LYPD5: variants seen among roughly 807,000 people sequenced by gnomAD.
LYPD5 encodes ly6/PLAUR domain-containing protein 5.
A neutral mutation model predicts 19.1 loss-of-function variants in LYPD5; 21 were observed. The ratio of observed to expected loss-of-function variants is 1.10; its 90% confidence interval spans 0.78 to 1.58. The LOEUF (loss-of-function observed/expected upper bound fraction) is 1.58. Among genes scored for constraint, LYPD5 ranks in the 40% most tolerant of loss-of-function variants. The probability of loss-of-function intolerance (pLI) is 0.00; values close to 1 mark genes in which losing one functional copy is unlikely to be tolerated. For synonymous variants in LYPD5, 128 were observed against 142.7 expected, an observed-to-expected ratio of 0.90 and a Z score of 0.74; for missense variants, 287 against 329.8, an observed-to-expected ratio of 0.87 and a Z score of 1.00.
At chr19:43,799,870 G>A (rs1568403605) in intron 1 of LYPD5, 36 bp from the exon 2 acceptor site, 1 of 1,575,602 alleles carries the variant, frequency 6.3e-7, no homozygotes, top group African/African-American at 1.3e-5. Context: ...AGCAGGGCCA[G>A]TGTGAGCCTG....
At chr19:43,798,672 C>A in intron 3 of LYPD5, 71 bp from the exon 4 acceptor site, 1 of 1,597,712 alleles carries the variant, frequency 6.3e-7, no homozygotes, top group Non-Finnish European at 8.5e-7. Flanking sequence ...GCGCACTGCG[C>A]CAGAGCCCGC....
chr19:43,798,993 G>T lies in LYPD5; in HGVS notation c.194-5C>A. 6.4e-7 allele frequency: 1 copy of T among 1,559,062 alleles called. No individual in the cohort carries two copies. Among genetic ancestry groups the T allele is most frequent in the Non-Finnish European group, 8.7e-7 (1 of 1,151,644 alleles). ...GGGTCACCGGCGCGCGATACCCTGG[G>T]GGCGGGATCGGGGCTCGTGCTCTGC... On this transcript the variant is annotated splice_polypyrimidine_tract_variant and splice_region_variant and intron_variant, in intron 2 of 4. Coordinates refer to ENST00000377950, the MANE Select transcript of LYPD5 (RefSeq NM_001031749.3).
At chr19:43,798,104 A>T (rs425578) in intron 4 of LYPD5, among the ~76,000 whole-genome samples, 41,238 of 98,344 alleles carry the variant, frequency 0.42, 10,804 homozygotes, top group South Asian at 0.62. Flanking sequence ...CCCTCAGACC[A>T]GGGCATGGCC....
Position 43,798,736 on chromosome 19 carries a change from C to T in LYPD5, c.370+76G>A, listed in dbSNP as rs1056653024. 3.2e-6 allele frequency: 5 copies of T among 1,565,954 alleles called. No homozygotes were observed. In the African/African-American group the frequency reaches 6.8e-5, roughly 21 times the overall value. On this transcript the variant is annotated intron_variant, in intron 3 of 4. Coordinates refer to ENST00000377950, the MANE Select transcript of LYPD5 (RefSeq NM_001031749.3). ...TAGCGCGCCAAGAGCAGGCGCCCAG[C>T]GGAGGCCACGCCTTCCCCGAGGCTG...
At chr19:43,818,161 G>C (rs920780132) in intron 1 of LYPD5, among the ~76,000 whole-genome samples, 1 of 152,204 alleles carries the variant, frequency 6.6e-6, no homozygotes, top group African/African-American at 2.4e-5. Context: ...TGTGAGATCA[G>C]ACTTGGGCCA....
At chr19:43,805,937 C>T (rs992343593), upstream of LYPD5, among the ~76,000 whole-genome samples, 1 of 152,132 alleles carries the variant, frequency 6.6e-6, no homozygotes, top group African/African-American at 2.4e-5. Flanking sequence ...ATATCCAGAA[C>T]TTTTCATCTT....
rs1970170265 is a variant in LYPD5 at position 43,798,570 on chromosome 19, C to G, written c.402G>C (p.Glu134Asp). The change falls in exon 4 of 5, where the codon GAG (glutamate) becomes GAC (aspartate). Residue 134 changes from glutamate to aspartate, a missense_variant. Glu to Asp is a conservative substitution (Grantham distance 45, BLOSUM62 2). Transcript: ENST00000377950. Reference protein sequence around the residue: ...APDPPTLSGAECYACIGVHQD... With the variant: ...APDPPTLSGADCYACIGVHQD... ...GGTGGACCCCGATACAGGCGTAGCA[C>G]TCGGCGCCGCTGAGCGTCGGCGGGT... 1.9e-6 allele frequency: 3 copies of G among 1,611,220 alleles called. No individual in the cohort carries two copies. The highest frequency in any genetic ancestry group is 2.5e-6 in the Non-Finnish European group (3 of 1,180,048).
At chr19:43,810,343 G>A (rs184328758) in intron 1 of LYPD5, among the ~76,000 whole-genome samples, 35 of 151,932 alleles carry the variant, frequency 2.3e-4, no homozygotes, top group African/African-American at 6.5e-4. Flanking sequence ...TTATATAGTC[G>A]TGTGTTTTTT....
chr19:43,808,099 T>G (rs1323671427), intron 1 of LYPD5, among the ~76,000 whole-genome samples: 1 of 152,216 alleles, frequency 6.6e-6, no homozygotes, highest in African/African-American at 2.4e-5. Flanking sequence ...CTACCGTTAC[T>G]GTCTTTTGGA....
At chr19:43,805,617 C>T (rs899284071), upstream of LYPD5, among the ~76,000 whole-genome samples, 2 of 152,224 alleles carry the variant, frequency 1.3e-5, no homozygotes, top group African/African-American at 4.8e-5. Context: ...AAGTGATTCT[C>T]CTGCCTCAGC....
intron 1 of LYPD5, among the ~76,000 whole-genome samples, chr19:43,812,260 G>T (rs1283069156): frequency 1.3e-5 from 2 of 152,114 alleles, no homozygotes; most frequent in African/African-American, 2.4e-5. Context: ...AGTCACCAGG[G>T]TATCCCAGAG....
rs1286855977 is a variant in LYPD5 at position 43,797,105 on chromosome 19, C to T, written c.*486G>A. Reference sequence around the variant, plus strand: ...CAGAGCCTGGCTTAAGTAACTCGCTCATGGTCTCTGCAGGCTGAATGGTGG... The same window carrying T: ...CAGAGCCTGGCTTAAGTAACTCGCTTATGGTCTCTGCAGGCTGAATGGTGG... On this transcript the variant is annotated 3_prime_UTR_variant, in exon 5 of 5. Coordinates refer to ENST00000377950, the MANE Select transcript of LYPD5 (RefSeq NM_001031749.3). The T allele has an allele frequency of 6.5e-6, 1 of 153,304 alleles. No homozygotes were observed. Among genetic ancestry groups the T allele is most frequent in the Non-Finnish European group, 1.5e-5 (1 of 68,952 alleles). 9.5% of individuals were successfully genotyped at this position (153,304 alleles called of 1,614,324 possible). A position where few individuals can be genotyped will look rare whatever the true frequency, so the allele number is the denominator to read the frequency against.
intron 1 of LYPD5, among the ~76,000 whole-genome samples, chr19:43,812,821 T>A (rs1970338062): frequency 6.6e-6 from 1 of 152,228 alleles, no homozygotes; most frequent in South Asian, 2.1e-4. Context: ...AAGGGACAGA[T>A]GATGCAGACA....
rs777114702 is a variant in LYPD5 at position 43,798,638 on chromosome 19, T to C, written c.371-37A>G. The C allele has an allele frequency of 4.3e-6, 7 of 1,609,490 alleles. No homozygotes were observed. The South Asian group carries it at 4.4e-5, about 10-fold the overall frequency. ...GCGTAGATGCACACTCAGGCAGTGG[T>C]ACCCTGGCACAGTCGTGCGGGCTGC... On this transcript the variant is annotated intron_variant, in intron 3 of 4. Coordinates refer to ENST00000377950, the MANE Select transcript of LYPD5 (RefSeq NM_001031749.3).
intron 3 of LYPD5, 24 bp from the exon 4 acceptor site, chr19:43,798,625 A>G (rs1221708834): frequency 3.1e-6 from 5 of 1,609,032 alleles, no homozygotes; most frequent in Non-Finnish European, 4.2e-6. Flanking sequence ...GTAGATGCAC[A>G]CTCAGGCAGT....
Position 43,797,847 on chromosome 19 carries a change from A to T in LYPD5, c.518-18T>A. On this transcript the variant is annotated intron_variant, in intron 4 of 4. Transcript: ENST00000377950. Reference sequence around the variant, plus strand: ...GAAATTGCCTGGAGGTGGGCAAAGCAGTGAGGAACGGTCAGAACTGAGGGA... The same window carrying T: ...GAAATTGCCTGGAGGTGGGCAAAGCTGTGAGGAACGGTCAGAACTGAGGGA... 2.5e-6 allele frequency: 4 copies of T among 1,586,016 alleles called. No individual in the cohort carries two copies. The highest frequency in any genetic ancestry group is 3.5e-6 in the Non-Finnish European group (4 of 1,155,648).
At chr19:43,802,825 C>T (rs1353525503), upstream of LYPD5, among the ~76,000 whole-genome samples, 1 of 152,124 alleles carries the variant, frequency 6.6e-6, no homozygotes, top group East Asian at 1.9e-4. Flanking sequence ...CTCTGAACCC[C>T]ATCTCCCCAC....
chr19:43,818,780 A>C (rs1970394350), intron 1 of LYPD5, among the ~76,000 whole-genome samples: 1 of 152,190 alleles, frequency 6.6e-6, no homozygotes, highest in Non-Finnish European at 1.5e-5. Flanking sequence ...GACACATAAG[A>C]TGTGTCTGAA....
chr19:43,810,533 TCCCTCCCCTC>T (rs147038876), intron 1 of LYPD5, among the ~76,000 whole-genome samples: 1 of 86,318 alleles, frequency 1.2e-5, no homozygotes, highest in African/African-American at 4.5e-5. Flanking sequence ...TCCCTTCCGT[TCCCTCCCCTC>T]CCCTCCCCTC....
Sources: allele counts gnomAD v4.1 joint callset (sites outside exome capture counted in the v4.1 genomes callset), GRCh38; gene constraint gnomAD v4.1.1; transcripts MANE v1.5; gene names NCBI Gene and HGNC (gene_info 2026-07-23, HGNC 2026-07-21).